The following LRRTM4 variants were observed in gnomAD, a reference collection of about 807,000 sequenced individuals.
LRRTM4 encodes the protein leucine rich repeat transmembrane neuronal 4.
A neutral mutation model predicts 47.6 loss-of-function variants in LRRTM4; 25 were observed. The ratio of observed to expected loss-of-function variants is 0.53; its 90% CI spans 0.38 to 0.73. LRRTM4 has a LOEUF of 0.73. Ranked by LOEUF, LRRTM4 falls within the 30% of genes least tolerant of loss-of-function variation. The probability of loss-of-function intolerance (pLI) is 0.00; values close to 1 mark genes in which losing one functional copy is unlikely to be tolerated. For missense variants in LRRTM4, 638 were observed against 713.4 expected (o/e 0.89, Z 1.20); for synonymous variants, 311 against 269.5 (o/e 1.15, Z -1.51).
intron 3 of LRRTM4, among the ~76,000 whole-genome samples, chr2:77,221,008 T>C (rs1240456680): frequency 3.9e-5 from 6 of 152,202 alleles, no homozygotes; most frequent in African/African-American, 1.2e-4. Flanking sequence ...GCTGATCTCT[T>C]GGCAGAAATT....
chr2:77,448,143 G>A (rs1023029199), intron 3 of LRRTM4, among the ~76,000 whole-genome samples: 8 of 152,132 alleles, frequency 5.3e-5, no homozygotes, highest in African/African-American at 4.8e-5. Flanking sequence ...AAAGTAGGAC[G>A]TGTACCATAT....
intron 3 of LRRTM4, among the ~76,000 whole-genome samples, chr2:77,287,230 A>C (rs1676690706): frequency 6.6e-6 from 1 of 151,932 alleles, no homozygotes; most frequent in African/African-American, 2.4e-5. Context: ...GAGAACTAGC[A>C]CTTGTGTTTG....
chr2:76,824,259 C>A (rs570753216), intron 3 of LRRTM4, among the ~76,000 whole-genome samples: 8 of 151,618 alleles, frequency 5.3e-5, no homozygotes, highest in Middle Eastern at 3.4e-3. Context: ...TATTCCTGAT[C>A]TATAAATGTG....
intron 3 of LRRTM4, among the ~76,000 whole-genome samples, chr2:76,868,757 A>G (rs923193378): frequency 6.6e-6 from 1 of 152,184 alleles, no homozygotes; most frequent in African/African-American, 2.4e-5. Context: ...AAAAAACTTA[A>G]ACTGAGTCAG....
chr2:77,419,751 T>A (rs1428935367), intron 3 of LRRTM4, among the ~76,000 whole-genome samples: 1 of 152,048 alleles, frequency 6.6e-6, no homozygotes, highest in Non-Finnish European at 1.5e-5. Context: ...CATAATAAAC[T>A]TGGGTGGGGT....
chr2:76,806,129 A>G (rs980359839), intron 3 of LRRTM4, among the ~76,000 whole-genome samples: 4 of 152,216 alleles, frequency 2.6e-5, no homozygotes, highest in African/African-American at 9.7e-5. Context: ...TTTAAGCACA[A>G]TAAGAATTCA....
intron 3 of LRRTM4, among the ~76,000 whole-genome samples, chr2:76,937,915 G>A (rs934221895): frequency 9.9e-5 from 15 of 152,006 alleles, no homozygotes; most frequent in Non-Finnish European, 1.9e-4. Context: ...CAATTGCATA[G>A]TATCCTTAGA....
Position 76,748,478 on chromosome 2 carries a change from C to T in LRRTM4, c.*217G>A. 1.8e-6 allele frequency: 1 copy of T among 568,536 alleles called. No homozygotes were observed. The highest frequency in any genetic ancestry group is 3.1e-6 in the Non-Finnish European group (1 of 320,290). The allele number at this position is 568,536 out of a possible 1,614,324, so 35.2% of individuals were successfully genotyped here. ...TTTTTGTTTGTTTTATGTTTTAAAGCAAAGAAAGTTCTGCAGTCCTCCCGG... is the reference window on the plus strand; with the variant it reads ...TTTTTGTTTGTTTTATGTTTTAAAGTAAAGAAAGTTCTGCAGTCCTCCCGG... On this transcript the variant is annotated 3_prime_UTR_variant, in exon 4 of 4. Coordinates refer to ENST00000409884, the MANE Select transcript of LRRTM4 (RefSeq NM_001134745.3).
intron 3 of LRRTM4, among the ~76,000 whole-genome samples, chr2:76,972,149 T>G (rs1573386591): frequency 6.6e-6 from 1 of 152,080 alleles, no homozygotes; most frequent in East Asian, 2.0e-4. Context: ...TAGTTTGTCT[T>G]AGCGAAAAGG....
intron 3 of LRRTM4, among the ~76,000 whole-genome samples, chr2:76,864,846 C>CCT (rs112444011): frequency 0.38 from 56,998 of 149,350 alleles, 11,693 homozygotes; most frequent in East Asian, 0.6. Context: ...CCCATCTCAG[C>CCT]CTCTCGAGTA....
At chr2:77,140,241 T>G (rs1168549278) in intron 3 of LRRTM4, among the ~76,000 whole-genome samples, 1 of 152,160 alleles carries the variant, frequency 6.6e-6, no homozygotes, top group Non-Finnish European at 1.5e-5. Flanking sequence ...AATGCTATAG[T>G]AACCAAAACA....
intron 3 of LRRTM4, among the ~76,000 whole-genome samples, chr2:77,030,921 G>A (rs916275991): frequency 6.6e-6 from 1 of 152,132 alleles, no homozygotes; most frequent in Non-Finnish European, 1.5e-5. Context: ...TTCTAATATT[G>A]TTACTTGCAA....
chr2:77,475,414 A>G (rs1677349041), intron 3 of LRRTM4, among the ~76,000 whole-genome samples: 1 of 152,060 alleles, frequency 6.6e-6, no homozygotes, highest in Admixed American at 6.6e-5. Flanking sequence ...TCACATTACT[A>G]TCATAACAAA....
At position 77,174,303 on chromosome 2, in the gene LRRTM4, A is replaced by G. The variant is rs201921577; in HGVS notation, c.1551+344015T>C. On this transcript the variant is annotated intron_variant, in intron 3 of 3. Transcript: ENST00000409884. Reference sequence around the variant, plus strand: ...TGCTGAGCATCTCCTCAGGCCTGGCAACCTTAAAAGAGCCACACGGACATT... The same window carrying G: ...TGCTGAGCATCTCCTCAGGCCTGGCGACCTTAAAAGAGCCACACGGACATT... 3.2e-4 allele frequency among the ~76,000 whole-genome samples: 49 copies of G among 152,298 alleles called. 2 individuals carry two copies. The East Asian group carries it at 9.1e-3, about 28-fold the overall frequency.
At chr2:77,092,366 G>A (rs910404280) in intron 3 of LRRTM4, among the ~76,000 whole-genome samples, 4 of 150,848 alleles carry the variant, frequency 2.7e-5, no homozygotes, top group Non-Finnish European at 5.9e-5. Flanking sequence ...TATTGATGGT[G>A]GTTCCACCAG....
intron 3 of LRRTM4, among the ~76,000 whole-genome samples, chr2:77,327,489 T>C (rs968052411): frequency 3.3e-5 from 5 of 152,170 alleles, no homozygotes; most frequent in Non-Finnish European, 7.3e-5. Flanking sequence ...TCCTTTGGCA[T>C]GGTACATTTT....
intron 3 of LRRTM4, among the ~76,000 whole-genome samples, chr2:76,981,570 C>A (rs1379545176): frequency 2.6e-5 from 4 of 152,078 alleles, no homozygotes; most frequent in African/African-American, 9.6e-5. Context: ...TCATAGCTCA[C>A]TGCAGCCTCA....
intron 3 of LRRTM4, among the ~76,000 whole-genome samples, chr2:77,007,768 T>C (rs1252848143): frequency 5.3e-5 from 8 of 152,172 alleles, no homozygotes; most frequent in Admixed American, 3.3e-4. Flanking sequence ...CATTCGGCTT[T>C]AGAGAGAGAG....
chr2:77,137,150 G>A (rs1671969173), intron 3 of LRRTM4, among the ~76,000 whole-genome samples: 2 of 151,648 alleles, frequency 1.3e-5, no homozygotes, highest in Non-Finnish European at 2.9e-5. Flanking sequence ...TCCTCAAGAA[G>A]AGCAACTCCA....
Sources: allele counts gnomAD v4.1 joint callset (sites outside exome capture counted in the v4.1 genomes callset), GRCh38; gene constraint gnomAD v4.1.1; transcripts MANE v1.5; gene names NCBI Gene and HGNC (gene_info 2026-07-23, HGNC 2026-07-21).